The following NEK10 variants were observed in gnomAD, a reference collection of about 807,000 sequenced individuals.
NEK10 encodes the protein serine/threonine-protein kinase Nek10.
NEK10 carries 122 observed loss-of-function variants against 159.8 expected under a neutral mutation model. The ratio of observed to expected loss-of-function variants is 0.76; its 90% CI spans 0.66 to 0.89. The LOEUF (loss-of-function observed/expected upper bound fraction) is 0.89. NEK10 is among the 40% of genes least tolerant of loss of function. The probability of loss-of-function intolerance (pLI) is 0.00; values close to 1 mark genes in which losing one functional copy is unlikely to be tolerated. For missense variants in NEK10, 1,342 were observed against 1,323.1 expected, an observed-to-expected ratio of 1.01 and a Z score of -0.22; for synonymous variants, 466 against 457.1, an observed-to-expected ratio of 1.02 and a Z score of -0.25.
chr3:27,228,352 T>C (rs1355464970), intron 23 of NEK10, among the ~76,000 whole-genome samples: 1 of 152,138 alleles, frequency 6.6e-6, no homozygotes, highest in Non-Finnish European at 1.5e-5. Context: ...GCTCAGATTT[T>C]GTGCTCTCTT....
chr3:27,215,714 G>A (rs1227407651), intron 23 of NEK10: 6 of 692,106 alleles, frequency 8.7e-6, no homozygotes. Context: ...AGAAAGAAGA[G>A]AGGTTTAATT....
At chr3:27,288,287 A>G (rs2149478994) in intron 19 of NEK10, among the ~76,000 whole-genome samples, 1 of 152,342 alleles carries the variant, frequency 6.6e-6, no homozygotes, top group African/African-American at 2.4e-5. Flanking sequence ...AACAGTTGAC[A>G]AGGACTTCCT....
rs1939076328 is a variant in NEK10, at chr3:27,107,174, C to T, written c.*4098G>A. 6.6e-6 allele frequency among the ~76,000 whole-genome samples: 1 copy of T among 151,872 alleles called. No individual in the cohort carries two copies. Among genetic ancestry groups the T allele is most frequent in the African/African-American group, 2.4e-5 (1 of 41,342 alleles). ...AGTATGCAGCTGTGATTTTAGGGTA[C>T]GTGATCTTCATTTTTAAAAACAACT... On this transcript the variant is annotated 3_prime_UTR_variant, in exon 36 of 36. Transcript: ENST00000691995.
chr3:27,208,706 G>A lies in NEK10; in HGVS notation c.2091-6149C>T, dbSNP rs140178443. Among the ~76,000 whole-genome samples the A allele has an allele frequency of 1.6e-3, 239 of 152,318 alleles. 2 individuals are homozygous for A. Among genetic ancestry groups the A allele is most frequent in the African/African-American group, 5.6e-3 (233 of 41,582 alleles). ...TAACACAGATACAGGGGGAGCAGAT[G>A]TGCAGGAAGAAATGACATCAATTTG... On this transcript the variant is annotated intron_variant, in intron 23 of 35. Transcript: ENST00000691995.
At chr3:27,215,738 G>T (rs1951451174) in intron 23 of NEK10, 1 of 709,756 alleles carries the variant, frequency 1.4e-6, no homozygotes. Flanking sequence ...TCACGGTTCT[G>T]CAGGCTGTAC....
intron 5 of NEK10, among the ~76,000 whole-genome samples, chr3:27,344,051 G>A (rs936483378): frequency 5.3e-5 from 8 of 152,114 alleles, no homozygotes; most frequent in Admixed American, 1.3e-4. Flanking sequence ...ACATGATAAC[G>A]AGTGTTTTCC....
intron 30 of NEK10, among the ~76,000 whole-genome samples, chr3:27,147,498 C>T (rs1213467188): frequency 6.6e-6 from 1 of 152,240 alleles, no homozygotes; most frequent in Non-Finnish European, 1.5e-5. Flanking sequence ...CTCCTTTCAC[C>T]TCTGGGTGAT....
chr3:27,219,060 A>T (rs558165138), intron 23 of NEK10, among the ~76,000 whole-genome samples: 3 of 152,362 alleles, frequency 2.0e-5, no homozygotes, highest in African/African-American at 7.2e-5. Context: ...AAAATTTATA[A>T]TTGTTCATTC....
rs904517562 is a variant in NEK10 at position 27,357,077 on chromosome 3, G to A, written c.-37-4158C>T. Among the ~76,000 whole-genome samples the A allele has an allele frequency of 3.3e-5, 5 of 152,036 alleles. No homozygotes were observed. In the South Asian group the frequency reaches 6.2e-4, roughly 19 times the overall value. On this transcript the variant is annotated intron_variant, in intron 1 of 35. Coordinates refer to ENST00000691995, the MANE Select transcript of NEK10 (RefSeq NM_001394966.1). Reference sequence around the variant, plus strand: ...CATCCCAAGTCTGGTGCTCCTTCTCGATGCCCACAGAGCAGCCTATACTCC... The same window carrying A: ...CATCCCAAGTCTGGTGCTCCTTCTCAATGCCCACAGAGCAGCCTATACTCC...
chr3:27,115,623 A>G (rs1940294455), intron 35 of NEK10, among the ~76,000 whole-genome samples: 1 of 152,188 alleles, frequency 6.6e-6, no homozygotes, highest in Non-Finnish European at 1.5e-5. Flanking sequence ...GAGACAAACA[A>G]ATATTTGATG....
intron 23 of NEK10, among the ~76,000 whole-genome samples, chr3:27,222,983 G>A (rs1952270722): frequency 6.6e-6 from 1 of 151,938 alleles, no homozygotes; most frequent in African/African-American, 2.4e-5. Flanking sequence ...TCTGAATGTG[G>A]TCATTCAAGC....
At chr3:27,263,506 C>A (rs932636919) in intron 22 of NEK10, among the ~76,000 whole-genome samples, 101 of 152,182 alleles carry the variant, frequency 6.6e-4, no homozygotes, top group African/African-American at 2.4e-3. Flanking sequence ...CTACTCAAGC[C>A]TCGGCAATGG....
intron 13 of NEK10, among the ~76,000 whole-genome samples, chr3:27,298,050 G>A (rs955816613): frequency 6.6e-6 from 1 of 152,136 alleles, no homozygotes; most frequent in Non-Finnish European, 1.5e-5. Flanking sequence ...ACTTTCCCAA[G>A]GCCATATAGC....
At position 27,191,491 on chromosome 3, in the gene NEK10, C is replaced by G. The variant is rs1043142884; in HGVS notation, c.2505+538G>C. Among the ~76,000 whole-genome samples, 3 of 152,182 alleles carry G rather than the reference C, an allele frequency of 2.0e-5. No individual in the cohort carries two copies. In the East Asian group the frequency reaches 5.8e-4, roughly 29 times the overall value. ...ATTTGTAGCTTTGGCATCTCTTTTC[C>G]AAGCAATGTTCAGAAATATACTTAA... On this transcript the variant is annotated intron_variant, in intron 26 of 35. Coordinates refer to ENST00000691995, the MANE Select transcript of NEK10 (RefSeq NM_001394966.1).
At chr3:27,295,040 G>C (rs6790344) in intron 15 of NEK10, among the ~76,000 whole-genome samples, 60,543 of 151,484 alleles carry the variant, frequency 0.4, 15,739 homozygotes, top group African/African-American at 0.75. Flanking sequence ...GTAGAACCTG[G>C]CTAACTGTTC....
rs1209540801 is a variant in NEK10, at chr3:27,369,158, G to T, written c.-38+67C>A. ...GGCCGCTCCACAGGGACCTGAGGAC[G>T]TCTCCCCGGAGACCCTGACTCAAGC... On this transcript the variant is annotated intron_variant, in intron 1 of 35. Transcript: ENST00000691995. This position sits in a 1 kb window ranked among gnomAD's most constrained non-coding sequence, Gnocchi z 4.2. 6.6e-6 allele frequency: 1 copy of T among 152,226 alleles called. No individual in the cohort carries two copies. The highest frequency in any genetic ancestry group is 1.5e-5 in the Non-Finnish European group (1 of 68,068). 9.4% of individuals were successfully genotyped at this position (152,226 alleles called of 1,614,324 possible).
intron 31 of NEK10, among the ~76,000 whole-genome samples, chr3:27,139,576 T>A (rs1052050844): frequency 1.3e-5 from 2 of 152,294 alleles, no homozygotes; most frequent in African/African-American, 4.8e-5. Context: ...GGGTAAAAAC[T>A]ATAGCACTAG....
intron 28 of NEK10, among the ~76,000 whole-genome samples, chr3:27,173,557 C>T (rs952981244): frequency 3.3e-5 from 5 of 152,132 alleles, no homozygotes; most frequent in Non-Finnish European, 7.4e-5. Context: ...ATCATCATTT[C>T]GATGGACCAA....
intron 32 of NEK10, among the ~76,000 whole-genome samples, chr3:27,130,024 G>T (rs1942425959): frequency 6.6e-6 from 1 of 151,998 alleles, no homozygotes; most frequent in South Asian, 2.1e-4. Flanking sequence ...CCCCCATGAA[G>T]GTATCATCCA....
Sources: allele counts gnomAD v4.1 joint callset (sites outside exome capture counted in the v4.1 genomes callset), GRCh38; gene constraint gnomAD v4.1.1; non-coding constraint Gnocchi (gnomAD v3.1); transcripts MANE v1.5; gene names NCBI Gene and HGNC (gene_info 2026-07-23, HGNC 2026-07-21).